RIC1: variants seen among roughly 807,000 people sequenced by gnomAD.
RIC1 encodes RIC1 partner of RAB6A GEF complex.
RIC1 carries 88 observed loss-of-function variants against 169.0 expected under a neutral mutation model. The ratio of observed to expected loss-of-function variants is 0.52; its 90% CI spans 0.44 to 0.62. The LOEUF (loss-of-function observed/expected upper bound fraction) is 0.62, where lower values mean the gene tolerates loss of function less well. Ranked by LOEUF, RIC1 falls within the 20% of genes least tolerant of loss-of-function variation. RIC1 has a pLI of 0.00. For synonymous variants in RIC1, 790 were observed against 601.5 expected, an observed-to-expected ratio of 1.31 and a Z score of -4.59; for missense variants, 1,877 against 1,725.5, an observed-to-expected ratio of 1.09 and a Z score of -1.56.
At chr9:5,743,106 G>T in intron 9 of RIC1, 93 bp downstream of exon 9, 2 of 1,173,534 alleles carry the variant, frequency 1.7e-6, no homozygotes, top group Non-Finnish European at 2.4e-6. Flanking sequence ...TTCCCTTTTT[G>T]CCTTGACTCT....
At chr9:5,719,840 A>G (rs1487302824) in intron 4 of RIC1, among the ~76,000 whole-genome samples, 1 of 152,086 alleles carries the variant, frequency 6.6e-6, no homozygotes, top group Non-Finnish European at 1.5e-5. Context: ...TCATACTGTT[A>G]TTAGTTGGGT....
At position 5,763,523 on chromosome 9, in the gene RIC1, A is replaced by G. The variant is rs763821108; in HGVS notation, c.2496A>G (p.Leu832=). The part of the protein sequence containing the change: ...RTSQIYLHHI[L]RQLLVRNLGE... ...CTCAGATCTACCTCCACCACATTCTACGTCAACTTCTGGTCAGAAACCTTG... is the reference window on the plus strand; with the variant it reads ...CTCAGATCTACCTCCACCACATTCTGCGTCAACTTCTGGTCAGAAACCTTG... The change falls in exon 19 of 26, where the codon CTA becomes CTG. Residue 832 remains leucine, a synonymous_variant. Transcript: ENST00000414202. This position sits in a 1 kb window ranked among gnomAD's most constrained non-coding sequence, Gnocchi z 5.2. The G allele has an allele frequency of 1.2e-6, 2 of 1,614,082 alleles. No homozygotes were observed. The highest frequency in any genetic ancestry group is 1.1e-5 in the South Asian group (1 of 91,080).
At chr9:5,702,027 T>C (rs1283012924) in intron 3 of RIC1, among the ~76,000 whole-genome samples, 1 of 152,098 alleles carries the variant, frequency 6.6e-6, no homozygotes, top group Non-Finnish European at 1.5e-5. Flanking sequence ...TTTAAGACAT[T>C]TGTTGGTTTT....
rs148380331 is a variant in RIC1 at position 5,753,320 on chromosome 9, G to A, written c.1491+82G>A. On this transcript the variant is annotated intron_variant, in intron 13 of 25. Coordinates refer to ENST00000414202, the MANE Select transcript of RIC1 (RefSeq NM_020829.4). ...CATTCTGGGAAGAGCCCTTCAGTGG[G>A]TGTACTGAGAAAAATAAAACTCTTG... 1,983 of 1,215,524 alleles carry A rather than the reference G, an allele frequency of 1.6e-3. 26 individuals are homozygous for A. The African/African-American group carries it at 0.026, about 16-fold the overall frequency. 75.3% of individuals were successfully genotyped at this position (1,215,524 alleles called of 1,614,324 possible). A position where few individuals can be genotyped will look rare whatever the true frequency, so the allele number is the denominator to read the frequency against.
chr9:5,659,007 A>G (rs10975216), intron 2 of RIC1, among the ~76,000 whole-genome samples: 44,669 of 151,954 alleles, frequency 0.29, 7,821 homozygotes, highest in East Asian at 0.59. Context: ...TTTGCACTCA[A>G]TTTTGATGAT....
chr9:5,737,579 A>T (rs6476998), intron 7 of RIC1, among the ~76,000 whole-genome samples: 1 of 150,478 alleles, frequency 6.6e-6, no homozygotes, highest in Admixed American at 6.6e-5. Flanking sequence ...GTTTATATTT[A>T]CTATGCTTTT....
intron 2 of RIC1, among the ~76,000 whole-genome samples, chr9:5,669,492 G>A (rs947814339): frequency 6.6e-6 from 1 of 152,080 alleles, no homozygotes; most frequent in Admixed American, 6.5e-5. Context: ...AGTAGTATTC[G>A]ATGGTGTATA....
intron 3 of RIC1, among the ~76,000 whole-genome samples, chr9:5,698,236 G>C (rs1337448638): frequency 1.3e-5 from 2 of 152,124 alleles, no homozygotes; most frequent in Admixed American, 1.3e-4. Context: ...AAGCATACTT[G>C]ACATGCTTTA....
chr9:5,659,658 A>G (rs1819331441), intron 2 of RIC1, among the ~76,000 whole-genome samples: 1 of 152,212 alleles, frequency 6.6e-6, no homozygotes, highest in Admixed American at 6.5e-5. Context: ...GCAATGTCTT[A>G]TCAATTATTT....
At position 5,763,788 on chromosome 9, in the gene RIC1, G is replaced by A. The variant is rs1481366354; in HGVS notation, c.2761G>A (p.Gly921Arg). ...ALWNYLFAAV[G>R]NPKDLFEECL... is the part of the protein sequence containing the mutation. ...GTGGAATTACCTTTTTGCAGCTGTT[G>A]GAAACCCTAAGGACTTGTTTGAGGA... Residue 921 changes from glycine (G) to arginine (R), a missense_variant, in exon 19 of 26, where the codon GGA becomes AGA. Physicochemically the swap from Gly to Arg is moderately radical, Grantham distance 125 (BLOSUM62 -2). Transcript: ENST00000414202. This position sits in a 1 kb window ranked among gnomAD's most constrained non-coding sequence, Gnocchi z 5.2. The A allele has an allele frequency of 6.2e-7, 1 of 1,614,058 alleles. No individual in the cohort carries two copies. Among genetic ancestry groups the A allele is most frequent in the Non-Finnish European group, 8.5e-7 (1 of 1,180,030 alleles).
At chr9:5,752,928 A>T (rs1231030084) in intron 12 of RIC1, among the ~76,000 whole-genome samples, 2 of 152,196 alleles carry the variant, frequency 1.3e-5, no homozygotes, top group South Asian at 2.1e-4. Context: ...ATCTCTTGTC[A>T]GTCTGTATTT....
In RIC1 at chr9:5,763,565, C is replaced by T; in HGVS notation, c.2538C>T (p.Leu846=). ...LVRNLGEQAL[L]LAQSCATLPY... is the part of the protein sequence containing the mutation. The stretch of plus-strand genomic sequence containing the variant: ...GAAACCTTGGGGAGCAAGCCTTGCT[C>T]TTGGCCCAGTCCTGTGCCACATTAC... Residue 846 remains leucine, a synonymous_variant, in exon 19 of 26, where the codon CTC becomes CTT. Transcript: ENST00000414202. This position sits in a 1 kb window ranked among gnomAD's most constrained non-coding sequence, Gnocchi z 5.2. 1 of 1,614,158 alleles carries T rather than the reference C, an allele frequency of 6.2e-7. No homozygotes were observed. Among genetic ancestry groups the T allele is most frequent in the Non-Finnish European group, 8.5e-7 (1 of 1,180,024 alleles).
intron 2 of RIC1, among the ~76,000 whole-genome samples, chr9:5,671,290 G>A (rs1222598937): frequency 7.0e-5 from 10 of 142,596 alleles, no homozygotes; most frequent in Non-Finnish European, 9.1e-5. Flanking sequence ...TTTTTTTTGA[G>A]ACGGCATCTT....
At chr9:5,777,846 A>G (rs1468038061), downstream of RIC1, among the ~76,000 whole-genome samples, 1 of 152,284 alleles carries the variant, frequency 6.6e-6, no homozygotes, top group Admixed American at 6.5e-5. Context: ...TCTTATGCCA[A>G]TACCACATTG....
In RIC1 at chr9:5,746,031, G is replaced by A. The variant is rs1359639242; in HGVS notation, c.1196G>A (p.Ser399Asn). 2 of 1,613,586 alleles carry A rather than the reference G, an allele frequency of 1.2e-6. No homozygotes were observed. The highest frequency in any genetic ancestry group is 8.5e-7 in the Non-Finnish European group (1 of 1,179,586). Residue 399 changes from serine (S) to asparagine (N), a missense_variant, in exon 11 of 26, where the codon AGC becomes AAC. Physicochemically the swap from Ser to Asn is conservative, Grantham distance 46. Transcript: ENST00000414202. The stretch of plus-strand genomic sequence containing the variant: ...CTCAGGAGTGTAGTTAAACAGCCCA[G>A]CATCCTGTTATTTCAGTTTATTAAG... ...SDLRSVVKQP[S>N]ILLFQFIKSV... is the part of the protein sequence containing the mutation.
At chr9:5,677,158 T>C (rs1443035452) in intron 2 of RIC1, among the ~76,000 whole-genome samples, 1 of 152,228 alleles carries the variant, frequency 6.6e-6, no homozygotes, top group African/African-American at 2.4e-5. Context: ...TATGAGAATT[T>C]CTATTTTCCT....
At chr9:5,726,058 G>T (rs974727237) in intron 6 of RIC1, among the ~76,000 whole-genome samples, 1 of 152,190 alleles carries the variant, frequency 6.6e-6, no homozygotes, top group African/African-American at 2.4e-5. Flanking sequence ...TTCTGTAGAT[G>T]TCTATTAGGA....
At chr9:5,656,397 G>T (rs1390284662) in intron 1 of RIC1, among the ~76,000 whole-genome samples, 186 bp from the exon 2 acceptor site, 1 of 152,026 alleles carries the variant, frequency 6.6e-6, no homozygotes, top group Non-Finnish European at 1.5e-5. Flanking sequence ...AATAATACAG[G>T]CGTAGGTTTA....
chr9:5,686,935 A>T (rs1034326600), intron 2 of RIC1, among the ~76,000 whole-genome samples: 2 of 152,118 alleles, frequency 1.3e-5, no homozygotes, highest in Non-Finnish European at 2.9e-5. Context: ...TTTATTTCTT[A>T]AAGAGTTGGT....
Sources: gnomAD v4.1 joint callset for allele counts (sites outside exome capture counted in the v4.1 genomes callset) on GRCh38, gnomAD v4.1.1 for gene constraint, Gnocchi (gnomAD v3.1) non-coding constraint, MANE v1.5 for transcripts, NCBI Gene and HGNC (gene_info 2026-07-23, HGNC 2026-07-21) for gene names.